Variants in ZNF100 observed in about 807,000 individuals in gnomAD.
ZNF100 encodes zinc finger protein 100 (Y1).
In ZNF100, 12 loss-of-function variants were observed where a neutral mutation model predicts 15.8. The ratio of observed to expected loss-of-function variants is 0.76; its 90% CI spans 0.49 to 1.23. The LOEUF is 1.23. Ranked by LOEUF, ZNF100 falls within the 50% of genes most tolerant of loss-of-function variation. The pLI, the probability that ZNF100 is intolerant of heterozygous loss-of-function variation, is 0.00. For missense variants in ZNF100, 670 were observed against 635.6 expected (o/e 1.05, Z -0.58); for synonymous variants, 226 against 214.8 (o/e 1.05, Z -0.45).
rs1431244896 is a variant in ZNF100, at chr19:21,725,892, A to T, written c.*791T>A. 10 of 152,090 alleles carry T rather than the reference A, an allele frequency of 6.6e-5. No homozygotes were observed. The highest frequency in any genetic ancestry group is 2.6e-4 in the Admixed American group (4 of 15,266). 9.4% of individuals were successfully genotyped at this position (152,090 alleles called of 1,614,324 possible). On this transcript the variant is annotated 3_prime_UTR_variant, in exon 5 of 5. Coordinates refer to ENST00000358296, the MANE Select transcript of ZNF100 (RefSeq NM_173531.4). ...TACAGACTTAATGATTAAAATTTTTAAAAAATTTTTCCTGTATCTGCAAAA... is the reference window on the plus strand; with the variant it reads ...TACAGACTTAATGATTAAAATTTTTTAAAAATTTTTCCTGTATCTGCAAAA...
chr19:21,730,303 G>A (rs973576568), intron 4 of ZNF100, among the ~76,000 whole-genome samples: 3 of 151,846 alleles, frequency 2.0e-5, no homozygotes, highest in African/African-American at 4.8e-5. Context: ...TTAACCAAAT[G>A]AGAGAAGAGG....
At position 21,724,713 on chromosome 19, in the gene ZNF100, CTCATAT is replaced by C. The variant is rs2035744232; in HGVS notation, c.*1964_*1969del. 6.6e-6 allele frequency: 1 copy of C among 151,952 alleles called. No homozygotes were observed. The highest frequency in any genetic ancestry group is 6.6e-5 in the Admixed American group (1 of 15,264). The allele number at this position is 151,952 out of a possible 1,614,324, so 9.4% of individuals were successfully genotyped here. A position where few individuals can be genotyped will look rare whatever the true frequency, so the allele number is the denominator to read the frequency against. On this transcript the variant is annotated 3_prime_UTR_variant, in exon 5 of 5. Transcript: ENST00000358296. ...ATGCCATATATTGCATGAATATATA[CTCATAT>C]TATGTACCCCAAATAATTAAGAAAA...
At chr19:21,745,107 A>G in intron 2 of ZNF100, 40 bp from the exon 3 acceptor site, 1 of 1,573,420 alleles carries the variant, frequency 6.4e-7, no homozygotes, top group Non-Finnish European at 8.6e-7. Context: ...ATATTTACCA[A>G]GTGGCCATGG....
At chr19:21,751,553 G>T (rs1004877690) in intron 2 of ZNF100, 2 of 1,287,900 alleles carry the variant, frequency 1.6e-6, no homozygotes. Context: ...GATTGTTCTG[G>T]GAGCCACTCT....
intron 2 of ZNF100, among the ~76,000 whole-genome samples, chr19:21,748,926 G>A (rs766448958): frequency 1.6e-4 from 25 of 152,106 alleles, no homozygotes; most frequent in Non-Finnish European, 2.5e-4. Flanking sequence ...GGCTGATCTC[G>A]AACTCCCAAC....
intron 2 of ZNF100, among the ~76,000 whole-genome samples, chr19:21,745,814 G>A (rs1485233405): frequency 6.6e-6 from 1 of 152,292 alleles, no homozygotes; most frequent in East Asian, 1.9e-4. Context: ...GAGCCACCAC[G>A]CCCGGCCGAG....
chr19:21,735,136 C>T (rs369703337), intron 4 of ZNF100, among the ~76,000 whole-genome samples: 3 of 152,110 alleles, frequency 2.0e-5, no homozygotes, highest in Non-Finnish European at 4.4e-5. Context: ...AAAACAACTA[C>T]GTCAACAGGT....
chr19:21,761,669 CTT>C (rs78046056), intron 2 of ZNF100, among the ~76,000 whole-genome samples: 42 of 151,184 alleles, frequency 2.8e-4, no homozygotes, highest in African/African-American at 8.7e-4. Context: ...AAGACTAAAA[CTT>C]TTTTTTTTTA....
rs374612756 is a variant in ZNF100, at chr19:21,744,014, T to C, written c.322+3A>G. On this transcript the variant is annotated splice_donor_region_variant and intron_variant, in intron 4 of 4. Coordinates refer to ENST00000358296, the MANE Select transcript of ZNF100 (RefSeq NM_173531.4). ...GTCATCTGTTGTGTTCACTCTCACC[T>C]ACCTGGGGGTTTGGCTACCATCTCA... The C allele has an allele frequency of 1.7e-4, 279 of 1,609,262 alleles. No homozygotes were observed. Among genetic ancestry groups the C allele is most frequent in the Non-Finnish European group, 2.3e-4 (268 of 1,178,046 alleles).
At chr19:21,750,848 T>A (rs940400610) in intron 2 of ZNF100, 64 of 482,328 alleles carry the variant, frequency 1.3e-4, no homozygotes, top group African/African-American at 1.2e-3. Flanking sequence ...AGACGCCCCA[T>A]GGGGAACACG....
intron 2 of ZNF100, among the ~76,000 whole-genome samples, chr19:21,762,832 C>G (rs1196853106): frequency 1.3e-5 from 2 of 152,166 alleles, no homozygotes; most frequent in Admixed American, 6.5e-5. Flanking sequence ...GTTAACCATT[C>G]TAAGTCACAG....
At chr19:21,765,597 C>T (rs2036544622) in intron 2 of ZNF100, 97 bp downstream of exon 2, 1 of 1,036,916 alleles carries the variant, frequency 9.6e-7, no homozygotes, top group Non-Finnish European at 1.4e-6. Context: ...TTTGTGTTTC[C>T]CCTCAATACC....
At chr19:21,745,774 G>A (rs913536592) in intron 2 of ZNF100, among the ~76,000 whole-genome samples, 11 of 151,928 alleles carry the variant, frequency 7.2e-5, no homozygotes, top group Middle Eastern at 3.4e-3. Flanking sequence ...CACCCGCCTC[G>A]GCCTCCCAAA....
intron 2 of ZNF100, among the ~76,000 whole-genome samples, chr19:21,764,447 G>A (rs2036528990): frequency 6.6e-6 from 1 of 151,980 alleles, no homozygotes; most frequent in African/African-American, 2.4e-5. Flanking sequence ...TTTGAGACCA[G>A]CCTGACCAAC....
chr19:21,758,267 C>G (rs1468438209), intron 2 of ZNF100, among the ~76,000 whole-genome samples: 1 of 151,904 alleles, frequency 6.6e-6, no homozygotes, highest in Admixed American at 6.6e-5. Context: ...GTCACGGGGC[C>G]TAGCTGAGAA....
Position 21,727,613 on chromosome 19 carries a change from G to A in ZNF100, c.699C>T (p.Tyr233=), listed in dbSNP as rs1289571022. Residue 233 remains tyrosine, a synonymous_variant, in exon 5 of 5, where the codon TAC becomes TAT. Transcript: ENST00000358296. The part of the protein sequence containing the change: ...HKRFHITENS[Y]QCKDCGKAFN... ...AGGCTTTGCCACAATCTTTACATTG[G>A]TAGGAATTCTCTGTAATATGAAATC... 2 of 1,612,424 alleles carry A rather than the reference G, an allele frequency of 1.2e-6. No homozygotes were observed. The highest frequency in any genetic ancestry group is 1.1e-5 in the South Asian group (1 of 90,808).
intron 2 of ZNF100, among the ~76,000 whole-genome samples, chr19:21,749,463 C>T (rs2036266825): frequency 6.6e-6 from 1 of 152,140 alleles, no homozygotes; most frequent in Non-Finnish European, 1.5e-5. Context: ...AGTGATAAGC[C>T]AGGCTGAGAG....
intron 2 of ZNF100, among the ~76,000 whole-genome samples, chr19:21,763,715 A>G (rs1164524303): frequency 6.6e-6 from 1 of 152,160 alleles, no homozygotes; most frequent in Non-Finnish European, 1.5e-5. Context: ...TCCTAAGAAC[A>G]TGCTGACTTC....
intron 2 of ZNF100, among the ~76,000 whole-genome samples, chr19:21,761,858 G>A (rs1012026426): frequency 6.6e-6 from 1 of 152,132 alleles, no homozygotes; most frequent in Non-Finnish European, 1.5e-5. Context: ...CTCACATCTT[G>A]GAGACAATAG....
Sources: gnomAD v4.1 joint callset for allele counts (sites outside exome capture counted in the v4.1 genomes callset) on GRCh38, gnomAD v4.1.1 for gene constraint, MANE v1.5 for transcripts, NCBI Gene and HGNC (gene_info 2026-07-23, HGNC 2026-07-21) for gene names.